ELMO1: variants seen among roughly 807,000 people sequenced by gnomAD.
ELMO1 encodes the protein engulfment and cell motility protein 1.
Under a neutral mutation model 98.9 loss-of-function variants are expected in ELMO1, and 26 were observed. The observed-to-expected ratio is 0.26, with a 90% CI of 0.19 to 0.36. The LOEUF (loss-of-function observed/expected upper bound fraction) is 0.36. Among genes scored for constraint, ELMO1 ranks in the 10% least tolerant of loss-of-function variants. The probability of loss-of-function intolerance (pLI) is 1.00; values close to 1 mark genes in which losing one functional copy is unlikely to be tolerated. For missense variants in ELMO1, 627 were observed against 935.2 expected (o/e 0.67, Z 4.30); for synonymous variants, 346 against 346.0 (o/e 1.00, Z 0.00).
At chr7:37,147,100 A>G (rs927762366) in intron 13 of ELMO1, among the ~76,000 whole-genome samples, 44 of 152,296 alleles carry the variant, frequency 2.9e-4, no homozygotes, top group African/African-American at 9.6e-4. Context: ...TCCCATAAAA[A>G]AGAGTTTTAG....
chr7:37,206,160 TA>T (rs1329959169), intron 13 of ELMO1, among the ~76,000 whole-genome samples: 4 of 152,178 alleles, frequency 2.6e-5, no homozygotes, highest in Non-Finnish European at 5.9e-5. Flanking sequence ...CATAAGATCG[TA>T]ATAATAGCAT....
chr7:37,369,949 C>G (rs981439236), intron 1 of ELMO1, among the ~76,000 whole-genome samples: 2 of 152,114 alleles, frequency 1.3e-5, no homozygotes, highest in Non-Finnish European at 2.9e-5. Flanking sequence ...AGGACTGGCT[C>G]TCTCTTTAAG....
At chr7:37,131,983 T>G (rs1786952492) in intron 14 of ELMO1, among the ~76,000 whole-genome samples, 1 of 152,144 alleles carries the variant, frequency 6.6e-6, no homozygotes. Flanking sequence ...TCCCATAGAT[T>G]ACAGATTTTG....
At chr7:37,114,005 C>T (rs1450032063) in intron 14 of ELMO1, among the ~76,000 whole-genome samples, 3 of 152,214 alleles carry the variant, frequency 2.0e-5, no homozygotes, top group Admixed American at 2.0e-4. Context: ...GCAGCCCTAG[C>T]TGATCTCTGT....
At chr7:36,884,679 A>G (rs1471843537) in intron 18 of ELMO1, among the ~76,000 whole-genome samples, 2 of 152,238 alleles carry the variant, frequency 1.3e-5, no homozygotes, top group Non-Finnish European at 2.9e-5. Flanking sequence ...AGAGCTGCAC[A>G]TGAGACAGGC....
intron 6 of ELMO1, among the ~76,000 whole-genome samples, chr7:37,252,472 C>A (rs947800908): frequency 3.3e-5 from 5 of 152,126 alleles, no homozygotes; most frequent in African/African-American, 1.2e-4. Flanking sequence ...TAAAAACAAG[C>A]AATGGGGAAA....
At chr7:37,151,383 G>A (rs1156553824) in intron 13 of ELMO1, among the ~76,000 whole-genome samples, 2 of 152,132 alleles carry the variant, frequency 1.3e-5, no homozygotes, top group African/African-American at 4.8e-5. Flanking sequence ...CAGCACAGGT[G>A]AATCAATTCA....
chr7:37,312,842 T>A (rs1798957415), intron 4 of ELMO1, among the ~76,000 whole-genome samples: 1 of 152,194 alleles, frequency 6.6e-6, no homozygotes. Flanking sequence ...ACATGTATTA[T>A]ACATGTGGGT....
At chr7:36,902,506 G>A (rs545481731) in intron 16 of ELMO1, among the ~76,000 whole-genome samples, 61 of 152,300 alleles carry the variant, frequency 4.0e-4, no homozygotes, top group African/African-American at 1.3e-3. Flanking sequence ...CAACCAATGC[G>A]AAGCTTACGG....
chr7:37,161,400 T>C (rs1016954773), intron 13 of ELMO1, among the ~76,000 whole-genome samples: 2 of 152,166 alleles, frequency 1.3e-5, no homozygotes, highest in African/African-American at 4.8e-5. Context: ...ACTGTTGAAC[T>C]GTACATATCT....
In ELMO1 at chr7:36,870,543, G is replaced by A; in HGVS notation, c.1823-68C>T. The A allele has an allele frequency of 1.3e-6, 2 of 1,491,824 alleles. No homozygotes were observed. Among genetic ancestry groups the A allele is most frequent in the Non-Finnish European group, 1.8e-6 (2 of 1,083,712 alleles). The allele number at this position is 1,491,824 out of a possible 1,614,324, so 92.4% of individuals were successfully genotyped here. A position where few individuals can be genotyped will look rare whatever the true frequency, so the allele number is the denominator to read the frequency against. On this transcript the variant is annotated intron_variant, in intron 19 of 21. Coordinates refer to ENST00000310758, the MANE Select transcript of ELMO1 (RefSeq NM_014800.11). The surrounding 1 kb of genome is among the most constrained non-coding windows in gnomAD (Gnocchi z 4.4). ...AAACTTTGATGTCAATAAAGAAACAGGACTAAGCACTGGGTCCGCTACTGT... is the reference window on the plus strand; with the variant it reads ...AAACTTTGATGTCAATAAAGAAACAAGACTAAGCACTGGGTCCGCTACTGT...
intron 4 of ELMO1, among the ~76,000 whole-genome samples, chr7:37,289,711 G>A (rs1047662333): frequency 6.6e-5 from 10 of 152,144 alleles, no homozygotes; most frequent in African/African-American, 2.4e-4. Context: ...ACACACCAGA[G>A]AAAGAATGGG....
intron 1 of ELMO1, among the ~76,000 whole-genome samples, chr7:37,399,447 A>T (rs533643332): frequency 6.6e-6 from 1 of 152,286 alleles, no homozygotes; most frequent in East Asian, 1.9e-4. Context: ...GGGCATAGCC[A>T]CCTTGCACCA....
chr7:37,204,020 A>G (rs1792457185), intron 13 of ELMO1: 11 of 444,626 alleles, frequency 2.5e-5, no homozygotes, highest in South Asian at 1.4e-4. Flanking sequence ...GTCGCTTTTA[A>G]CTGGCCAACA....
chr7:37,092,401 CAG>C (rs1294995858), intron 15 of ELMO1, among the ~76,000 whole-genome samples: 2 of 93,036 alleles, frequency 2.1e-5, no homozygotes, highest in South Asian at 4.1e-4. Context: ...TTTTTGGAGA[CAG>C]AGTCTCGCTC....
At position 36,949,998 on chromosome 7, in the gene ELMO1, T is replaced by C. The variant is rs116809188; in HGVS notation, c.1438-54981A>G. 4.7e-3 allele frequency among the ~76,000 whole-genome samples: 711 copies of C among 152,312 alleles called. 5 individuals are homozygous for C. The highest frequency in any genetic ancestry group is 0.016 in the African/African-American group (677 of 41,572). ...CAGATTTAGGTTATGGCTCTTTCGGTTGGAGTTCCCTCGTGCTGTGTTCGC... is the reference window on the plus strand; with the variant it reads ...CAGATTTAGGTTATGGCTCTTTCGGCTGGAGTTCCCTCGTGCTGTGTTCGC... On this transcript the variant is annotated intron_variant, in intron 16 of 21. Coordinates refer to ENST00000310758, the MANE Select transcript of ELMO1 (RefSeq NM_014800.11).
intron 15 of ELMO1, among the ~76,000 whole-genome samples, chr7:37,031,330 G>A (rs1794870291): frequency 6.6e-6 from 1 of 152,116 alleles, no homozygotes; most frequent in Non-Finnish European, 1.5e-5. Flanking sequence ...TTGAAAAAAT[G>A]TTTCCAGAAT....
chr7:37,400,964 T>C (rs894620501), intron 1 of ELMO1, among the ~76,000 whole-genome samples: 1 of 152,182 alleles, frequency 6.6e-6, no homozygotes, highest in East Asian at 1.9e-4. Context: ...CCTTGTCTCA[T>C]CTTGGTCCAA....
At chr7:37,413,809 C>T (rs947289043) in intron 1 of ELMO1, among the ~76,000 whole-genome samples, 5 of 152,080 alleles carry the variant, frequency 3.3e-5, no homozygotes, top group African/African-American at 9.7e-5. Flanking sequence ...GCCCAAATAG[C>T]GGGGATTACA....
Sources: gnomAD v4.1 joint callset for allele counts (sites outside exome capture counted in the v4.1 genomes callset) on GRCh38, gnomAD v4.1.1 for gene constraint, Gnocchi (gnomAD v3.1) non-coding constraint, MANE v1.5 for transcripts, NCBI Gene and HGNC (gene_info 2026-07-23, HGNC 2026-07-21) for gene names.